RGS5: variants seen among roughly 807,000 people sequenced by gnomAD.
RGS5 encodes regulator of G protein signaling 5.
A neutral mutation model predicts 18.9 loss-of-function variants in RGS5; 20 were observed. The observed-to-expected ratio is 1.06, with a 90% confidence interval of 0.74 to 1.54. The LOEUF (loss-of-function observed/expected upper bound fraction) is 1.54. Among genes scored for constraint, RGS5 ranks in the 40% most tolerant of loss-of-function variants. The pLI is 0.00. For synonymous variants in RGS5, 57 were observed against 76.2 expected (o/e 0.75, Z 1.31); for missense variants, 201 against 211.8 (o/e 0.95, Z 0.32).
chr1:163,152,528 A>T, intron 4 of RGS5, 22 bp downstream of exon 4: 2 of 1,597,266 alleles, frequency 1.3e-6, no homozygotes, highest in South Asian at 1.1e-5. Context: ...CCCTTAACTG[A>T]CCCACCTACC....
intron 1 of RGS5, among the ~76,000 whole-genome samples, chr1:163,186,862 G>T (rs1659111492): frequency 6.6e-6 from 1 of 151,934 alleles, no homozygotes; most frequent in Admixed American, 6.6e-5. Context: ...TTAGAGAAAG[G>T]GGAAAAAAAT....
At position 163,144,400 on chromosome 1, in the gene RGS5, G is replaced by A. The variant is rs1375214028; in HGVS notation, c.*2942C>T. On this transcript the variant is annotated 3_prime_UTR_variant, in exon 5 of 5. Transcript: ENST00000313961. ...CCAACCCTAAACTATATCAAACCCA[G>A]GCAGAAAAACTGAAGTTACAGGCAA... 6.6e-6 allele frequency: 1 copy of A among 152,056 alleles called. No homozygotes were observed. The highest frequency in any genetic ancestry group is 1.5e-5 in the Non-Finnish European group (1 of 68,008). The allele number at this position is 152,056 out of a possible 1,614,324, so 9.4% of individuals were successfully genotyped here. A position where few individuals can be genotyped will look rare whatever the true frequency, so the allele number is the denominator to read the frequency against.
At position 163,238,883 on chromosome 1, in the gene RGS5, C is replaced by A. The variant is rs552261028; in HGVS notation, c.-281+67350G>T. The A allele has an allele frequency of 4.3e-3, 738 of 169,714 alleles. 10 individuals are homozygous for A. The highest frequency in any genetic ancestry group is 2.1e-3 in the Non-Finnish European group (148 of 70,864). 10.5% of individuals were successfully genotyped at this position (169,714 alleles called of 1,614,324 possible). On this transcript the variant is annotated intron_variant, in intron 2 of 5. Coordinates refer to the RGS5 transcript ENST00000618415. ...AAAGTGGATTTGAGGTCGAAGACTG[C>A]ACAAAAAAAGAAAAGTCTTGGATTA... is the stretch of plus-strand genomic sequence containing the variant.
intron 2 of RGS5, among the ~76,000 whole-genome samples, chr1:163,263,407 A>G (rs995857923): frequency 6.6e-6 from 1 of 152,116 alleles, no homozygotes; most frequent in African/African-American, 2.4e-5. Context: ...CCATTGTTGG[A>G]ATGTTTTCTC....
chr1:163,296,773 T>TG (rs1214548526), intron 2 of RGS5, among the ~76,000 whole-genome samples: 1 of 152,208 alleles, frequency 6.6e-6, no homozygotes, highest in Non-Finnish European at 1.5e-5. Flanking sequence ...AATATGGCAG[T>TG]GCTCAAGGTA....
At chr1:163,204,885 C>T (rs1015844198), upstream of RGS5, among the ~76,000 whole-genome samples, 2 of 152,090 alleles carry the variant, frequency 1.3e-5, no homozygotes, top group Admixed American at 6.6e-5. Context: ...CCAAGTTTAA[C>T]GTAGAGCAAT....
intron 2 of RGS5, among the ~76,000 whole-genome samples, chr1:163,272,848 G>A (rs1648754678): frequency 6.6e-6 from 1 of 151,866 alleles, no homozygotes. Context: ...GATAAGTTTT[G>A]GAATTTGGTA....
upstream of RGS5, among the ~76,000 whole-genome samples, chr1:163,222,200 G>A (rs922515756): frequency 2.6e-5 from 4 of 152,302 alleles, no homozygotes; most frequent in East Asian, 7.7e-4. Flanking sequence ...ACCAGCAGGT[G>A]AGTGGCAGGT....
intron 1 of RGS5, among the ~76,000 whole-genome samples, chr1:163,201,936 C>T (rs936434891): frequency 2.0e-5 from 3 of 152,160 alleles, no homozygotes; most frequent in African/African-American, 7.2e-5. Flanking sequence ...CTACTTCTCT[C>T]CATCAGAGAG....
At chr1:163,224,235 A>G (rs1003120925) in intron 2 of RGS5, among the ~76,000 whole-genome samples, 1 of 151,864 alleles carries the variant, frequency 6.6e-6, no homozygotes, top group Non-Finnish European at 1.5e-5. Flanking sequence ...GCCTCCAGTA[A>G]CCACTGTTCT....
chr1:163,249,773 A>G (rs1648058633), intron 2 of RGS5, among the ~76,000 whole-genome samples: 1 of 152,258 alleles, frequency 6.6e-6, no homozygotes, highest in Non-Finnish European at 1.5e-5. Context: ...CCTGAGCAAC[A>G]GAGCAAGACT....
intron 1 of RGS5, among the ~76,000 whole-genome samples, chr1:163,210,176 T>C (rs976670473): frequency 9.2e-5 from 14 of 152,036 alleles, no homozygotes; most frequent in African/African-American, 3.1e-4. Context: ...TCGTATTTTT[T>C]GGGGTACAGA....
intron 2 of RGS5, among the ~76,000 whole-genome samples, chr1:163,287,987 T>C (rs949983421): frequency 6.6e-6 from 1 of 152,224 alleles, no homozygotes; most frequent in African/African-American, 2.4e-5. Flanking sequence ...GTCCCAAAAC[T>C]GATTTTTAAT....
At chr1:163,232,691 T>C (rs780820051) in intron 2 of RGS5, among the ~76,000 whole-genome samples, 1 of 152,202 alleles carries the variant, frequency 6.6e-6, no homozygotes, top group African/African-American at 2.4e-5. Context: ...GTGTGTTACA[T>C]ACATTAAATA....
rs559928149 is a variant in RGS5, at chr1:163,143,343, C to T, written c.*3999G>A. 1 of 152,268 alleles carries T rather than the reference C, an allele frequency of 6.6e-6. No individual in the cohort carries two copies. The highest frequency in any genetic ancestry group is 1.9e-4 in the East Asian group (1 of 5,188). 9.4% of individuals were successfully genotyped at this position (152,268 alleles called of 1,614,324 possible). ...TCCAAAACCTACATAGAATTGCCTA[C>T]CCCTTGGGTTTCGATGCTTGGATGT... On this transcript the variant is annotated 3_prime_UTR_variant, in exon 5 of 5. Coordinates refer to ENST00000313961, the MANE Select transcript of RGS5 (RefSeq NM_003617.4).
At chr1:163,189,106 A>G (rs146878049) in intron 1 of RGS5, among the ~76,000 whole-genome samples, 73 of 152,284 alleles carry the variant, frequency 4.8e-4, no homozygotes, top group African/African-American at 1.7e-3. Flanking sequence ...CTGTCTTGTG[A>G]TAATCAGGTT....
intron 2 of RGS5, among the ~76,000 whole-genome samples, chr1:163,242,084 C>A (rs1647804829): frequency 6.6e-6 from 1 of 152,124 alleles, no homozygotes; most frequent in Non-Finnish European, 1.5e-5. Flanking sequence ...ATAGAAAGAT[C>A]TTTCTTGAAA....
At chr1:163,309,751 G>T (rs577620014) in intron 1 of RGS5, among the ~76,000 whole-genome samples, 1 of 152,164 alleles carries the variant, frequency 6.6e-6, no homozygotes, top group South Asian at 2.1e-4. Flanking sequence ...TGATCTTAAT[G>T]GCATCTAGAA....
chr1:163,244,404 G>GTTTATCAAA (rs1647876227), intron 2 of RGS5: 1 of 152,142 alleles, frequency 6.6e-6, no homozygotes, highest in African/African-American at 2.4e-5. Context: ...GATCTCCAAA[G>GTTTATCAAA]CATTTAACCC....
Sources: allele counts gnomAD v4.1 joint callset (sites outside exome capture counted in the v4.1 genomes callset), GRCh38; gene constraint gnomAD v4.1.1; transcripts MANE v1.5; gene names NCBI Gene and HGNC (gene_info 2026-07-23, HGNC 2026-07-21).